Variants in SORCS2 observed in about 807,000 individuals in gnomAD.
SORCS2 encodes the protein VPS10 domain-containing receptor SorCS2.
A neutral mutation model predicts 141.6 loss-of-function variants in SORCS2; 100 were observed. The ratio of observed to expected loss-of-function variants is 0.71; its 90% confidence interval spans 0.60 to 0.83. The LOEUF (loss-of-function observed/expected upper bound fraction) is 0.83, where lower values mean the gene tolerates loss of function less well. Ranked by LOEUF, SORCS2 falls within the 40% of genes least tolerant of loss-of-function variation. SORCS2 has a pLI of 0.00. For missense variants in SORCS2, 1,646 were observed against 1,560.2 expected (o/e 1.05, Z -0.93); for synonymous variants, 789 against 676.9 (o/e 1.17, Z -2.57).
intron 1 of SORCS2, among the ~76,000 whole-genome samples, chr4:7,355,950 T>A (rs1385628479): frequency 6.6e-6 from 1 of 152,254 alleles, no homozygotes; most frequent in African/African-American, 2.4e-5. Context: ...CCACCTGCCC[T>A]CTGCCCTCCC....
At chr4:7,379,433 T>G (rs1191750468) in intron 1 of SORCS2, among the ~76,000 whole-genome samples, 1 of 152,120 alleles carries the variant, frequency 6.6e-6, no homozygotes, top group Non-Finnish European at 1.5e-5. Flanking sequence ...AGGAGGGCCT[T>G]CGGGAGTGGG....
At chr4:7,568,925 G>A (rs1056957810) in intron 3 of SORCS2, among the ~76,000 whole-genome samples, 2 of 151,888 alleles carry the variant, frequency 1.3e-5, no homozygotes, top group Non-Finnish European at 1.5e-5. Context: ...TCTCAAAGGT[G>A]GTATGGGAAC....
chr4:7,271,439 G>T (rs1033127329), intron 1 of SORCS2, among the ~76,000 whole-genome samples: 5 of 152,172 alleles, frequency 3.3e-5, no homozygotes, highest in Non-Finnish European at 7.3e-5. Context: ...CGTGTCTGCT[G>T]TTGCCCTTGC....
intron 3 of SORCS2, among the ~76,000 whole-genome samples, chr4:7,590,003 A>G (rs1336693957): frequency 6.6e-6 from 1 of 152,150 alleles, no homozygotes; most frequent in Non-Finnish European, 1.5e-5. Flanking sequence ...GAGACATGAG[A>G]GAGAAAGGGC....
chr4:7,413,411 T>TTTTTTTTTTTTTTTTTTTTTA (rs1725454516), intron 2 of SORCS2, among the ~76,000 whole-genome samples: 1 of 146,572 alleles, frequency 6.8e-6, no homozygotes, highest in Non-Finnish European at 1.5e-5. Flanking sequence ...TTTTTTTTTT[T>TTTTTTTTTTTTTTTTTTTTTA]GAGATAGAGT....
chr4:7,673,864 G>T (rs544296225), intron 8 of SORCS2, among the ~76,000 whole-genome samples: 51 of 152,272 alleles, frequency 3.3e-4, no homozygotes, highest in African/African-American at 1.2e-3. Context: ...CACCCCTGCA[G>T]GAGTCTCACA....
Position 7,714,247 on chromosome 4 carries a change from G to C in SORCS2, c.1997G>C (p.Arg666Pro). 6.2e-7 allele frequency: 1 copy of C among 1,610,442 alleles called. No homozygotes were observed. The highest frequency in any genetic ancestry group is 8.5e-7 in the Non-Finnish European group (1 of 1,178,564). ...SWELSNLQGDRCIMGQQRSFR... is the reference protein window; with the variant it reads ...SWELSNLQGDPCIMGQQRSFR... ...CTGATGTTCCTGCTGCAGGGCGACC[G>C]CTGTATCATGGGCCAGCAGAGAAGT... Residue 666 changes from arginine (R) to proline (P), a missense_variant, in exon 16 of 27, where the codon CGC becomes CCC. By Grantham distance (103) the Arg-to-Pro change is moderately radical. Coordinates refer to ENST00000507866, the MANE Select transcript of SORCS2 (RefSeq NM_020777.3).
intron 2 of SORCS2, among the ~76,000 whole-genome samples, chr4:7,474,407 A>C (rs1025498877): frequency 6.6e-6 from 1 of 152,116 alleles, no homozygotes; most frequent in East Asian, 1.9e-4. Context: ...GGGAGCTCTT[A>C]TGCAAATGTC....
At chr4:7,457,457 A>G (rs1239063455) in intron 2 of SORCS2, among the ~76,000 whole-genome samples, 6 of 151,628 alleles carry the variant, frequency 4.0e-5, no homozygotes, top group South Asian at 2.1e-4. Context: ...GGCTCACACC[A>G]GGGAGCGTGC....
intron 2 of SORCS2, among the ~76,000 whole-genome samples, chr4:7,487,655 CT>C (rs774700980): frequency 1.1e-4 from 16 of 152,376 alleles, no homozygotes; most frequent in Middle Eastern, 6.8e-3. Flanking sequence ...TTCCCCTAGA[CT>C]CACGTAGCGG....
intron 2 of SORCS2, among the ~76,000 whole-genome samples, chr4:7,454,028 C>G (rs1728682997): frequency 2.2e-5 from 2 of 90,614 alleles, no homozygotes; most frequent in South Asian, 9.1e-4. Flanking sequence ...GGGTCAGGTG[C>G]TGTGTTGGGG....
intron 2 of SORCS2, among the ~76,000 whole-genome samples, chr4:7,421,616 T>A (rs1391729209): frequency 1.8e-5 from 2 of 108,708 alleles, no homozygotes; most frequent in Non-Finnish European, 4.2e-5. Context: ...TTGCCCCCCA[T>A]AACTCCCTTT....
chr4:7,643,249 C>A (rs1339886405), intron 4 of SORCS2, among the ~76,000 whole-genome samples: 1 of 152,212 alleles, frequency 6.6e-6, no homozygotes, highest in Non-Finnish European at 1.5e-5. Flanking sequence ...GCTCAGCCGA[C>A]TGCAGTAGGC....
intron 3 of SORCS2, among the ~76,000 whole-genome samples, chr4:7,547,863 A>T (rs11937946): frequency 0.96 from 146,639 of 152,248 alleles, 70,849 homozygotes; most frequent in East Asian, 1. Flanking sequence ...TGGAACATCA[A>T]TTTGAACAAA....
In SORCS2 at chr4:7,664,668, G is replaced by A. The variant is rs922907365; in HGVS notation, c.1071+197G>A. Among the ~76,000 whole-genome samples, 2 of 152,310 alleles carry A rather than the reference G, an allele frequency of 1.3e-5. No individual in the cohort carries two copies. Among genetic ancestry groups the A allele is most frequent in the African/African-American group, 4.8e-5 (2 of 41,588 alleles). On this transcript the variant is annotated intron_variant, in intron 7 of 26. Transcript: ENST00000507866. The surrounding 1 kb of genome is among the most constrained non-coding windows in gnomAD (Gnocchi z 4.7). ...CAGAAGCCCTCGCAAGCCCAGAACTGTGGCTCAGGGACACTGAGGCTCCAC... is the reference window on the plus strand; with the variant it reads ...CAGAAGCCCTCGCAAGCCCAGAACTATGGCTCAGGGACACTGAGGCTCCAC...
chr4:7,420,294 C>T (rs897274686), intron 2 of SORCS2, among the ~76,000 whole-genome samples: 13 of 152,234 alleles, frequency 8.5e-5, no homozygotes, highest in Admixed American at 3.3e-4. Flanking sequence ...CCATCTAGGG[C>T]TCTCTGGGCC....
chr4:7,392,966 T>C (rs79150996), intron 1 of SORCS2, among the ~76,000 whole-genome samples: 2,974 of 151,894 alleles, frequency 0.02, 82 homozygotes, highest in African/African-American at 0.068. Context: ...TGGCATAGAT[T>C]TGGAACCCAG....
At chr4:7,724,594 G>GTGATGATGGTGGTGTTGGTGA (rs148473097) in intron 19 of SORCS2, among the ~76,000 whole-genome samples, 1 of 80,630 alleles carries the variant, frequency 1.2e-5, no homozygotes. Flanking sequence ...GGTGGTGTTG[G>GTGATGATGGTGGTGTTGGTGA]TGATGGTGGT....
intron 1 of SORCS2, among the ~76,000 whole-genome samples, chr4:7,219,970 G>A (rs1044744694): frequency 4.6e-5 from 7 of 152,236 alleles, no homozygotes; most frequent in African/African-American, 1.4e-4. Flanking sequence ...AAGGAGTGTT[G>A]GGTTTGCTGG....
Sources: gnomAD v4.1 joint callset for allele counts (sites outside exome capture counted in the v4.1 genomes callset) on GRCh38, gnomAD v4.1.1 for gene constraint, Gnocchi (gnomAD v3.1) non-coding constraint, MANE v1.5 for transcripts, NCBI Gene and HGNC (gene_info 2026-07-23, HGNC 2026-07-21) for gene names.